TGFBR2: variants seen among roughly 807,000 people sequenced by gnomAD.
TGFBR2 encodes the protein transforming growth factor beta receptor 2.
A neutral mutation model predicts 49.0 loss-of-function variants in TGFBR2; 18 were observed. That is an observed-to-expected ratio of 0.37 (90% CI 0.25 to 0.54). TGFBR2 has a LOEUF of 0.54. Among genes scored for constraint, TGFBR2 ranks in the 20% least tolerant of loss-of-function variants. TGFBR2 has a pLI of 0.85. For missense variants in TGFBR2, 525 were observed against 722.6 expected (o/e 0.73, Z 3.13); for synonymous variants, 282 against 275.9 (o/e 1.02, Z -0.22).
intron 1 of TGFBR2, among the ~76,000 whole-genome samples, chr3:30,635,855 C>T (rs1055720253): frequency 1.3e-5 from 2 of 152,248 alleles, no homozygotes; most frequent in East Asian, 3.9e-4. Context: ...CTCAGTTGAA[C>T]AAGTCCAAAT....
At chr3:30,653,413 G>A (rs1023936013) in intron 3 of TGFBR2, among the ~76,000 whole-genome samples, 5 of 151,740 alleles carry the variant, frequency 3.3e-5, no homozygotes, top group Admixed American at 6.6e-5. Context: ...CACCATGCCC[G>A]GCTAATTTTT....
intron 4 of TGFBR2, among the ~76,000 whole-genome samples, chr3:30,673,618 C>T (rs1330649025): frequency 6.6e-6 from 1 of 152,136 alleles, no homozygotes; most frequent in Admixed American, 6.5e-5. Flanking sequence ...ATATCCTTTG[C>T]ACACTGGAAT....
At chr3:30,640,600 A>C (rs1030443640) in intron 1 of TGFBR2, among the ~76,000 whole-genome samples, 2 of 152,222 alleles carry the variant, frequency 1.3e-5, no homozygotes, top group Non-Finnish European at 2.9e-5. Flanking sequence ...TGCTTAGGGA[A>C]TAATGACAAG....
rs11386584 is a variant in TGFBR2 at position 30,652,232 on chromosome 3, G to GTTTTTTT, written c.454+1788_454+1794dup. Among the ~76,000 whole-genome samples the GTTTTTTT allele has an allele frequency of 1.9e-4, 18 of 97,004 alleles. 1 individual carries two copies. Among genetic ancestry groups the GTTTTTTT allele is most frequent in the African/African-American group, 4.1e-4 (10 of 24,626 alleles). 63.6% of individuals were successfully genotyped at this position (97,004 alleles called of 152,430 possible). A position where few individuals can be genotyped will look rare whatever the true frequency, so the allele number is the denominator to read the frequency against. Reference sequence around the variant, plus strand: ...ATTTCTCTCGTTTTCTTTTCTGGTTGTTTTTTTTTTTTTTTTTTTTTTGAC... The same window carrying GTTTTTTT: ...ATTTCTCTCGTTTTCTTTTCTGGTTGTTTTTTTTTTTTTTTTTTTTTTTTTTTTTGAC... On this transcript the variant is annotated intron_variant, in intron 3 of 6. Coordinates refer to ENST00000295754, the MANE Select transcript of TGFBR2 (RefSeq NM_003242.6).
At chr3:30,677,165 G>A (rs921106557) in intron 5 of TGFBR2, among the ~76,000 whole-genome samples, 2 of 152,128 alleles carry the variant, frequency 1.3e-5, no homozygotes, top group African/African-American at 2.4e-5. Flanking sequence ...AGCTTTCATT[G>A]TTATCACTGA....
At position 30,613,541 on chromosome 3, in the gene TGFBR2, AG is replaced by A. The variant is rs1432227683; in HGVS notation, c.94+6565del. Among the ~76,000 whole-genome samples the A allele has an allele frequency of 3.3e-5, 5 of 152,006 alleles. No individual in the cohort carries two copies. In the East Asian group the frequency reaches 9.7e-4, roughly 30 times the overall value. Reference sequence around the variant, plus strand: ...GTCTGTATGTGAGAGAGAGAGAGAGAGAGAGAGAGAAAGAGAGAGAGAGACA... The same window carrying A: ...GTCTGTATGTGAGAGAGAGAGAGAGAAGAGAGAGAAAGAGAGAGAGAGACA... On this transcript the variant is annotated intron_variant, in intron 1 of 6. Transcript: ENST00000295754.
intron 1 of TGFBR2, among the ~76,000 whole-genome samples, chr3:30,643,887 A>T (rs1445561886): frequency 1.3e-5 from 2 of 152,226 alleles, no homozygotes; most frequent in Non-Finnish European, 2.9e-5. Context: ...AGGAAGCTAA[A>T]CAAAGGTAAT....
At chr3:30,663,796 GC>G (rs1699189631) in intron 3 of TGFBR2, among the ~76,000 whole-genome samples, 1 of 152,030 alleles carries the variant, frequency 6.6e-6, no homozygotes, top group African/African-American at 2.4e-5. Flanking sequence ...AATTCACTAA[GC>G]CAGACACTTG....
At chr3:30,661,730 A>G in intron 3 of TGFBR2, 1 of 374,926 alleles carries the variant, frequency 2.7e-6, no homozygotes, top group Non-Finnish European at 5.3e-6. Flanking sequence ...CTTAAACTCC[A>G]CTTGGTGGAA....
At chr3:30,666,027 T>A (rs1299722098) in intron 3 of TGFBR2, among the ~76,000 whole-genome samples, 1 of 152,224 alleles carries the variant, frequency 6.6e-6, no homozygotes, top group Non-Finnish European at 1.5e-5. Context: ...CTGAGACGTC[T>A]GCAACAACAA....
At chr3:30,637,641 AT>A (rs1210644360) in intron 1 of TGFBR2, among the ~76,000 whole-genome samples, 11 of 152,170 alleles carry the variant, frequency 7.2e-5, no homozygotes, top group African/African-American at 2.7e-4. Context: ...TACCTTGCTT[AT>A]TTTCTTGAAT....
rs190046066 is a variant in TGFBR2 at position 30,613,542 on chromosome 3, G to C, written c.94+6565G>C. Among the ~76,000 whole-genome samples the C allele has an allele frequency of 5.1e-3, 780 of 152,128 alleles. 16 individuals carry two copies. The highest frequency in any genetic ancestry group is 0.037 in the East Asian group (191 of 5,146). On this transcript the variant is annotated intron_variant, in intron 1 of 6. Coordinates refer to ENST00000295754, the MANE Select transcript of TGFBR2 (RefSeq NM_003242.6). ...TCTGTATGTGAGAGAGAGAGAGAGA[G>C]AGAGAGAGAAAGAGAGAGAGAGACA...
At chr3:30,615,127 G>A (rs1008454178) in intron 1 of TGFBR2, among the ~76,000 whole-genome samples, 6 of 152,176 alleles carry the variant, frequency 3.9e-5, no homozygotes, top group Admixed American at 3.3e-4. Context: ...ATGCCATCAG[G>A]AAGTTTAGGT....
chr3:30,622,521 T>C (rs1361710076), intron 1 of TGFBR2, among the ~76,000 whole-genome samples: 2 of 151,872 alleles, frequency 1.3e-5, no homozygotes, highest in Non-Finnish European at 2.9e-5. Flanking sequence ...AAATAGCTGT[T>C]AAATAATATT....
At chr3:30,614,922 G>T (rs1698103136) in intron 1 of TGFBR2, among the ~76,000 whole-genome samples, 1 of 152,154 alleles carries the variant, frequency 6.6e-6, no homozygotes, top group Admixed American at 6.6e-5. Flanking sequence ...GAGGTTAAGA[G>T]AAATAATAAT....
chr3:30,666,148 A>G (rs1236056976), intron 3 of TGFBR2, among the ~76,000 whole-genome samples: 1 of 152,192 alleles, frequency 6.6e-6, no homozygotes, highest in African/African-American at 2.4e-5. Flanking sequence ...ACTGAACTCT[A>G]TTTATGGAAC....
intron 1 of TGFBR2, among the ~76,000 whole-genome samples, chr3:30,638,416 T>G (rs1266136992): frequency 6.6e-6 from 1 of 152,216 alleles, no homozygotes; most frequent in Middle Eastern, 3.2e-3. Context: ...GTTTTCTTCC[T>G]GCACACGCCA....
At chr3:30,628,361 A>C (rs754401089) in intron 1 of TGFBR2, among the ~76,000 whole-genome samples, 1 of 151,796 alleles carries the variant, frequency 6.6e-6, no homozygotes, top group Non-Finnish European at 1.5e-5. Flanking sequence ...TATCAGAAGA[A>C]CCCTGCAAAA....
intron 3 of TGFBR2, among the ~76,000 whole-genome samples, chr3:30,670,312 CT>C (rs1456626555): frequency 6.6e-6 from 1 of 152,190 alleles, no homozygotes; most frequent in African/African-American, 2.4e-5. Context: ...CATTTAGCCC[CT>C]ATCCCAGATG....
Sources: allele counts gnomAD v4.1 joint callset (sites outside exome capture counted in the v4.1 genomes callset), GRCh38; gene constraint gnomAD v4.1.1; transcripts MANE v1.5; gene names NCBI Gene and HGNC (gene_info 2026-07-23, HGNC 2026-07-21).